Variants in WDR83 observed in about 807,000 individuals in gnomAD.
WDR83 encodes WD repeat domain 83.
In WDR83, 37 loss-of-function variants were observed where a neutral mutation model predicts 37.7. The observed-to-expected ratio is 0.98, with a 90% CI of 0.76 to 1.29. WDR83 has a LOEUF of 1.29. Among genes scored for constraint, WDR83 ranks in the 50% most tolerant of loss-of-function variants. The pLI, the probability that WDR83 is intolerant of heterozygous loss-of-function variation, is 0.00. For synonymous variants in WDR83, 174 were observed against 181.1 expected (o/e 0.96, Z 0.31); for missense variants, 445 against 414.4 (o/e 1.07, Z -0.64).
rs1330311887 is a variant in WDR83 at position 12,670,074 on chromosome 19, C to A, written c.201C>A (p.Gly67=). 5 of 1,611,834 alleles carry A rather than the reference C, an allele frequency of 3.1e-6. No homozygotes were observed. The highest frequency in any genetic ancestry group is 2.5e-6 in the Non-Finnish European group (3 of 1,178,568). The change falls in exon 4 of 11, where the codon GGC becomes GGA. Residue 67 remains glycine (G), a synonymous_variant. Transcript: ENST00000418543. ...GTLLRTYSGH[G]YEVLDAAGSF... is the part of the protein sequence containing the mutation. ...TGCTGCGGACGTACAGCGGCCACGG[C>A]TACGAGGTGCTGGATGCGGCCGGGT... is the stretch of plus-strand genomic sequence containing the variant.
In WDR83 at chr19:12,670,615, A is replaced by G. The variant is rs1307799374; in HGVS notation, c.379+4A>G. 6.2e-7 allele frequency: 1 copy of G among 1,614,210 alleles called. No homozygotes were observed. Among genetic ancestry groups the G allele is most frequent in the Non-Finnish European group, 8.5e-7 (1 of 1,180,038 alleles). On this transcript the variant is annotated splice_donor_region_variant and intron_variant, in intron 6 of 10. Transcript: ENST00000418543. Reference sequence around the variant, plus strand: ...GAGGCCACAGTTATCCTGTCCGGTGAGTCTGGGGCCTAAGCACGGGGGCCC... The same window carrying G: ...GAGGCCACAGTTATCCTGTCCGGTGGGTCTGGGGCCTAAGCACGGGGGCCC...
chr19:12,670,633 G>T, intron 6 of WDR83, 22 bp downstream of exon 6: 1 of 1,614,186 alleles, frequency 6.2e-7, no homozygotes, highest in Non-Finnish European at 8.5e-7. Flanking sequence ...GCCTAAGCAC[G>T]GGGGCCCAGG....
intron 2 of WDR83, 94 bp from the exon 3 acceptor site, chr19:12,669,661 A>T: frequency 1.9e-6 from 2 of 1,080,086 alleles, no homozygotes; most frequent in South Asian, 1.6e-5. Flanking sequence ...CAAAATGATG[A>T]ACCCGGAAGT....
intron 10 of WDR83, among the ~76,000 whole-genome samples, chr19:12,674,819 A>T (rs2024523332): frequency 6.6e-6 from 1 of 152,136 alleles, no homozygotes; most frequent in Non-Finnish European, 1.5e-5. Flanking sequence ...CATGTGGTAC[A>T]AGAAAAAGAC....
chr19:12,672,979 C>T (rs2024467909), intron 8 of WDR83, 29 bp from the exon 9 acceptor site: 1 of 1,602,850 alleles, frequency 6.2e-7, no homozygotes, highest in Non-Finnish European at 8.5e-7. Flanking sequence ...GCACCCCACC[C>T]TCACTCACCT....
intron 1 of WDR83, chr19:12,668,271 G>T: frequency 7.2e-7 from 1 of 1,381,434 alleles, no homozygotes; most frequent in Non-Finnish European, 1.0e-6. Flanking sequence ...GGAAGTCCAG[G>T]ATGGCAGCTG....
chr19:12,668,440 AG>A (rs1345007865), intron 1 of WDR83, 67 bp from the exon 2 acceptor site: 1 of 1,613,290 alleles, frequency 6.2e-7, no homozygotes, highest in Non-Finnish European at 8.5e-7. Context: ...GACAGGAGAG[AG>A]GTGTCAGTCT....
In WDR83 at chr19:12,673,214, TA is replaced by T. The variant is rs1169041518; in HGVS notation, c.698del (p.Lys233ArgfsTer11). The T allele has an allele frequency of 1.9e-6, 3 of 1,613,818 alleles. No individual in the cohort carries two copies. The African/African-American group carries it at 4.0e-5, about 22-fold the overall frequency. ...GELLGEYKGH[K>X]NQEYKLDCCL... ...TGTCCACCCTTAGGTACAAGGGCCA[TA>T]AGAACCAGGAATACAAGCTGGACTG... is the stretch of plus-strand genomic sequence containing the variant. On this transcript the variant is annotated frameshift_variant, in exon 10 of 11. Transcript: ENST00000418543. LOFTEE classifies it high-confidence loss of function.
chr19:12,670,367 C>T, intron 5 of WDR83, 82 bp downstream of exon 5: 2 of 1,536,784 alleles, frequency 1.3e-6, no homozygotes, highest in Non-Finnish European at 1.8e-6. Context: ...ACCCCCATTA[C>T]ACCGTAAGGA....
At position 12,672,908 on chromosome 19, in the gene WDR83, G is replaced by C. The variant is rs756923065; in HGVS notation, c.568G>C (p.Val190Leu). The C allele has an allele frequency of 1.3e-6, 2 of 1,599,312 alleles. No individual in the cohort carries two copies. The change falls in exon 8 of 11, where the codon GTG becomes CTG. Residue 190 changes from valine (V) to leucine (L), a missense_variant. Transcript: ENST00000418543. ...GATGGGGCAGCTCTTCTCAGACTAC[G>C]TGGGCAGTGAGTGTGGCTGGGGATG... is the stretch of plus-strand genomic sequence containing the variant. ...LRMGQLFSDY[V>L]GSPITCTCFS...
rs1157476789 is a variant in WDR83, at chr19:12,666,845, G to A, written c.-304G>A. 7.8e-6 allele frequency: 6 copies of A among 767,380 alleles called. No homozygotes were observed. The highest frequency in any genetic ancestry group is 3.9e-4 in the Middle Eastern group (1 of 2,588). 47.5% of individuals were successfully genotyped at this position (767,380 alleles called of 1,614,324 possible). ...TCACGGGAGAGAGGCTGTAGCCCTG[G>A]GCAATCCCGGGGGTCGTTACAGGAA... On this transcript the variant is annotated 5_prime_UTR_variant, in exon 1 of 11. Coordinates refer to ENST00000418543, the MANE Select transcript of WDR83 (RefSeq NM_001099737.3).
rs758059252 is a variant in WDR83 at position 12,670,811 on chromosome 19, A to C, written c.496A>C (p.Ile166Leu). 53 of 1,613,190 alleles carry C rather than the reference A, an allele frequency of 3.3e-5. No individual in the cohort carries two copies. The highest frequency in any genetic ancestry group is 2.4e-5 in the Non-Finnish European group (28 of 1,179,786). ...VSSVKVSDHE[I>L]LAGSVDGRVR... ...CAGTGTGAAGGTGTCAGACCACGAG[A>C]TCCTGGCAGGGTGAGTGGAGCCAGG... Residue 166 changes from isoleucine to leucine, a missense_variant, in exon 7 of 11, where the codon ATC (isoleucine) becomes CTC (leucine). By Grantham distance (5) the Ile-to-Leu change is conservative. Coordinates refer to ENST00000418543, the MANE Select transcript of WDR83 (RefSeq NM_001099737.3).
Position 12,668,561 on chromosome 19 carries a change from A to C in WDR83, c.-103A>C. The stretch of plus-strand genomic sequence containing the variant: ...TTTGCTTCGTGTCCTCCGAGCTCCG[A>C]GAGTTGGCAAAGCTGATGAAGGAGC... On this transcript the variant is annotated 5_prime_UTR_variant, in exon 2 of 11. Transcript: ENST00000418543. 2 of 1,614,098 alleles carry C rather than the reference A, an allele frequency of 1.2e-6. No homozygotes were observed. The highest frequency in any genetic ancestry group is 1.7e-6 in the Non-Finnish European group (2 of 1,180,006).
intron 1 of WDR83, among the ~76,000 whole-genome samples, 199 bp downstream of exon 1, chr19:12,667,191 G>A (rs1249461122): frequency 4.6e-5 from 7 of 152,206 alleles, no homozygotes. Flanking sequence ...TGGAGTACCA[G>A]GGATGGGATC....
At position 12,670,199 on chromosome 19, in the gene WDR83, C is replaced by G; in HGVS notation, c.244C>G (p.Leu82Val). 1.2e-6 allele frequency: 2 copies of G among 1,614,060 alleles called. No homozygotes were observed. Among genetic ancestry groups the G allele is most frequent in the Non-Finnish European group, 1.7e-6 (2 of 1,179,984 alleles). ...DAAGSFDNSS[L>V]CSGGGDKAVV... ...CTCCAGCTCCTTTGACAACAGTAGT[C>G]TCTGCTCCGGCGGCGGGGACAAGGC... The change falls in exon 5 of 11, where the codon CTC (leucine) becomes GTC (valine). Residue 82 changes from leucine (L) to valine (V), a missense_variant. Physicochemically the swap from Leu to Val is conservative, Grantham distance 32 (BLOSUM62 1). Coordinates refer to ENST00000418543, the MANE Select transcript of WDR83 (RefSeq NM_001099737.3).
intron 7 of WDR83, 64 bp downstream of exon 7, chr19:12,670,885 T>C (rs551137324): frequency 8.4e-5 from 131 of 1,564,960 alleles, no homozygotes; most frequent in Non-Finnish European, 1.1e-4. Flanking sequence ...GCCCCCATGC[T>C]CAGATTAAAA....
chr19:12,673,179 C>A, intron 9 of WDR83, 23 bp from the exon 10 acceptor site: 2 of 1,613,454 alleles, frequency 1.2e-6, no homozygotes, highest in Non-Finnish European at 1.7e-6. Context: ...AGGACCAAGC[C>A]CCCCGATCCT....
intron 7 of WDR83, 55 bp from the exon 8 acceptor site, chr19:12,672,792 C>A: frequency 6.5e-7 from 1 of 1,535,632 alleles, no homozygotes; most frequent in Non-Finnish European, 8.8e-7. Context: ...CACAGGGCTG[C>A]CTGGAGCCAT....
At chr19:12,669,369 G>A (rs748711528) in intron 2 of WDR83, 3 of 1,601,964 alleles carry the variant, frequency 1.9e-6, no homozygotes, top group Admixed American at 1.7e-5. Context: ...CACTTTGTTC[G>A]GCCTCCGTGG....
Sources: allele counts gnomAD v4.1 joint callset (sites outside exome capture counted in the v4.1 genomes callset), GRCh38; gene constraint gnomAD v4.1.1; transcripts MANE v1.5; gene names NCBI Gene and HGNC (gene_info 2026-07-23, HGNC 2026-07-21).